Variants in DIXDC1 observed in about 807,000 individuals in gnomAD.
DIXDC1 encodes the protein DIX domain containing 1.
Under a neutral mutation model 103.1 loss-of-function variants are expected in DIXDC1, and 64 were observed. The observed-to-expected ratio is 0.62, with a 90% CI of 0.51 to 0.76. DIXDC1 has a LOEUF of 0.76. DIXDC1 is among the 30% of genes least tolerant of loss of function. DIXDC1 has a pLI of 0.00. For synonymous variants in DIXDC1, 266 were observed against 298.5 expected (o/e 0.89, Z 1.12); for missense variants, 759 against 834.2 (o/e 0.91, Z 1.11).
At chr11:112,001,945 C>T (rs374781570) in intron 17 of DIXDC1, among the ~76,000 whole-genome samples, 4 of 152,010 alleles carry the variant, frequency 2.6e-5, no homozygotes, top group Non-Finnish European at 4.4e-5. Context: ...TTGGTAGAGA[C>T]GGGTTTTCAC....
chr11:111,992,600 C>A, intron 11 of DIXDC1, 81 bp downstream of exon 11: 1 of 1,227,288 alleles, frequency 8.1e-7, no homozygotes, highest in South Asian at 1.4e-5. Flanking sequence ...TTAGACTGGC[C>A]ATCCTAATCT....
In DIXDC1 at chr11:111,989,023, A is replaced by C; in HGVS notation, c.1081A>C (p.Lys361Gln). 6.2e-7 allele frequency: 1 copy of C among 1,611,784 alleles called. No individual in the cohort carries two copies. Among genetic ancestry groups the C allele is most frequent in the East Asian group, 2.2e-5 (1 of 44,844 alleles). ...TTTGCAGAAGGAACTGCTGAAATGTAAACAAGAAGCCAGAAACTTACAGGG... is the reference window on the plus strand; with the variant it reads ...TTTGCAGAAGGAACTGCTGAAATGTCAACAAGAAGCCAGAAACTTACAGGG... ...QDLKKELLKC[K>Q]QEARNLQGIK... Residue 361 changes from lysine (K) to glutamine (Q), a missense_variant, in exon 10 of 20, where the codon AAA (lysine) becomes CAA (glutamine). Coordinates refer to ENST00000440460, the MANE Select transcript of DIXDC1 (RefSeq NM_001037954.4).
At chr11:111,973,991 C>A in intron 3 of DIXDC1, 32 bp from the exon 4 acceptor site, 2 of 1,607,188 alleles carry the variant, frequency 1.2e-6, no homozygotes, top group South Asian at 2.2e-5. Flanking sequence ...ACCTCTTGGT[C>A]TGTTTTATTC....
intron 17 of DIXDC1, chr11:111,996,371 C>G: frequency 2.6e-6 from 1 of 377,380 alleles, no homozygotes; most frequent in Admixed American, 4.3e-5. Flanking sequence ...ATGCTGTTGA[C>G]TCAGAGAGGC....
At chr11:111,943,228 G>T (rs118050512) in intron 1 of DIXDC1, among the ~76,000 whole-genome samples, 11 of 151,856 alleles carry the variant, frequency 7.2e-5, no homozygotes, top group Non-Finnish European at 1.6e-4. Context: ...CCTCCACCTC[G>T]CACCTCTTGG....
intron 1 of DIXDC1, among the ~76,000 whole-genome samples, chr11:111,951,578 A>C (rs1966806188): frequency 6.6e-6 from 1 of 152,138 alleles, no homozygotes; most frequent in Non-Finnish European, 1.5e-5. Flanking sequence ...CAGGGGCCCC[A>C]AAATCATATA....
intron 2 of DIXDC1, among the ~76,000 whole-genome samples, chr11:111,930,423 G>A (rs1182671666): frequency 6.6e-6 from 1 of 152,096 alleles, no homozygotes; most frequent in Non-Finnish European, 1.5e-5. Context: ...GGGACTACAG[G>A]CACGTGCCAT....
At chr11:111,981,925 T>C (rs1860317718) in intron 6 of DIXDC1, among the ~76,000 whole-genome samples, 1 of 152,230 alleles carries the variant, frequency 6.6e-6, no homozygotes, top group Non-Finnish European at 1.5e-5. Flanking sequence ...GAAAGGAATA[T>C]TGAATTGAAG....
intron 1 of DIXDC1, among the ~76,000 whole-genome samples, chr11:111,947,699 T>A (rs1966645175): frequency 6.6e-6 from 1 of 152,226 alleles, no homozygotes; most frequent in South Asian, 2.1e-4. Context: ...CCTTCACCTG[T>A]GGATAAGACT....
At position 112,017,665 on chromosome 11, in the gene DIXDC1, A is replaced by G. The variant is rs982557415; in HGVS notation, c.1863-112A>G. ...GGGTTATCGGGGCAGTGACCTAACAAGGGGCTATTTCTGCTTATTGACTTT... is the reference window on the plus strand; with the variant it reads ...GGGTTATCGGGGCAGTGACCTAACAGGGGGCTATTTCTGCTTATTGACTTT... On this transcript the variant is annotated intron_variant, in intron 18 of 19. Coordinates refer to ENST00000440460, the MANE Select transcript of DIXDC1 (RefSeq NM_001037954.4). This position sits in a 1 kb window ranked among gnomAD's most constrained non-coding sequence, Gnocchi z 4.0. 6.1e-5 allele frequency: 48 copies of G among 792,408 alleles called. No homozygotes were observed. In the Admixed American group the frequency reaches 9.4e-4, roughly 16 times the overall value. 49.1% of individuals were successfully genotyped at this position (792,408 alleles called of 1,614,324 possible).
At chr11:111,987,998 GT>G (rs1860554402) in intron 9 of DIXDC1, among the ~76,000 whole-genome samples, 1 of 151,220 alleles carries the variant, frequency 6.6e-6, no homozygotes, top group Admixed American at 6.6e-5. Context: ...TATTTGTTTT[GT>G]TTTGTTTGTT....
At chr11:111,968,693 A>G in intron 3 of DIXDC1, 55 bp downstream of exon 3, 1 of 1,505,032 alleles carries the variant, frequency 6.6e-7, no homozygotes, top group Non-Finnish European at 9.0e-7. Context: ...AGTGAGTGCT[A>G]GCCTCAGGAA....
chr11:111,977,164 A>ACCCCCCCCCCC lies in DIXDC1; in HGVS notation c.656+2185_656+2186insCCCCCCCCCCC. On this transcript the variant is annotated intron_variant, in intron 5 of 19. Coordinates refer to ENST00000440460, the MANE Select transcript of DIXDC1 (RefSeq NM_001037954.4). The surrounding 1 kb of genome is among the most constrained non-coding windows in gnomAD (Gnocchi z 6.1). Reference sequence around the variant, plus strand: ...CGTCGACGTCCCCACCCCCACCTCCACCCCGCCCAGCCCCGCCCCTGGCCC... The same window carrying ACCCCCCCCCCC: ...CGTCGACGTCCCCACCCCCACCTCCACCCCCCCCCCCCCCCGCCCAGCCCCGCCCCTGGCCC... 14 of 504,156 alleles carry ACCCCCCCCCCC rather than the reference A, an allele frequency of 2.8e-5. No individual in the cohort carries two copies. Among genetic ancestry groups the ACCCCCCCCCCC allele is most frequent in the Non-Finnish European group, 3.5e-5 (14 of 397,182 alleles). 31.2% of individuals were successfully genotyped at this position (504,156 alleles called of 1,614,324 possible).
intron 17 of DIXDC1, among the ~76,000 whole-genome samples, chr11:112,012,521 G>T (rs1861456136): frequency 1.3e-5 from 2 of 152,134 alleles, no homozygotes; most frequent in Admixed American, 1.3e-4. Context: ...AAGTGAGTTT[G>T]ACCTATACTT....
upstream of DIXDC1, chr11:111,937,236 C>G (rs587750628): frequency 1.3e-4 from 154 of 1,196,778 alleles, no homozygotes; most frequent in East Asian, 3.6e-3. Context: ...GGCAGCCCGG[C>G]AGCGCCGCTC....
intron 2 of DIXDC1, among the ~76,000 whole-genome samples, chr11:111,931,511 C>CT (rs1403912783): frequency 2.0e-5 from 3 of 151,994 alleles, no homozygotes; most frequent in Non-Finnish European, 4.4e-5. Flanking sequence ...GACGTGGTGG[C>CT]GGACGCCTGT....
At chr11:111,996,618 A>C (rs907470580) in intron 17 of DIXDC1, among the ~76,000 whole-genome samples, 1 of 152,134 alleles carries the variant, frequency 6.6e-6, no homozygotes, top group African/African-American at 2.4e-5. Flanking sequence ...TGGGAGGCTG[A>C]GGTGGGTGGA....
chr11:111,929,452 G>A (rs1965942984), intron 1 of DIXDC1, among the ~76,000 whole-genome samples: 1 of 151,790 alleles, frequency 6.6e-6, no homozygotes, highest in Admixed American at 6.6e-5. Context: ...GTGTGGTGGT[G>A]CACACCTGTG....
chr11:111,993,628 G>A (rs782570903), intron 13 of DIXDC1, 40 bp downstream of exon 13: 1 of 1,613,976 alleles, frequency 6.2e-7, no homozygotes, highest in Non-Finnish European at 8.5e-7. Context: ...TGCCTCTTTG[G>A]CCCAAAGAAA....
Sources: allele counts gnomAD v4.1 joint callset (sites outside exome capture counted in the v4.1 genomes callset), GRCh38; gene constraint gnomAD v4.1.1; non-coding constraint Gnocchi (gnomAD v3.1); transcripts MANE v1.5; gene names NCBI Gene and HGNC (gene_info 2026-07-23, HGNC 2026-07-21).